KCNIP4: variants seen among roughly 807,000 people sequenced by gnomAD.
KCNIP4 encodes Kv channel-interacting protein 4.
KCNIP4 carries 12 observed loss-of-function variants against 34.0 expected under a neutral mutation model. The ratio of observed to expected loss-of-function variants is 0.35; its 90% CI spans 0.23 to 0.57. KCNIP4 has a LOEUF of 0.57. Ranked by LOEUF, KCNIP4 falls within the 20% of genes least tolerant of loss-of-function variation. The pLI is 0.83. For missense variants in KCNIP4, 238 were observed against 311.7 expected (o/e 0.76, Z 1.78); for synonymous variants, 124 against 102.2 (o/e 1.21, Z -1.29).
intron 1 of KCNIP4, among the ~76,000 whole-genome samples, chr4:21,195,770 CG>C (rs1164042553): frequency 1.3e-5 from 2 of 152,170 alleles, no homozygotes; most frequent in Non-Finnish European, 2.9e-5. Flanking sequence ...CCAACTAGAA[CG>C]CCTGGTTGCA....
rs567004023 is a variant in KCNIP4, at chr4:21,278,417, C to T, written c.62-395708G>A. Among the ~76,000 whole-genome samples the T allele has an allele frequency of 6.3e-4, 96 of 152,224 alleles. No individual in the cohort carries two copies. The South Asian group carries it at 0.019, about 31-fold the overall frequency. ...CCTCTCTGTGTCCATGAGTTCTCAT[C>T]ACTTAGCATCTATTTATAAGTGAGA... On this transcript the variant is annotated intron_variant, in intron 1 of 8. Coordinates refer to ENST00000382152, the MANE Select transcript of KCNIP4 (RefSeq NM_025221.6).
intron 1 of KCNIP4, among the ~76,000 whole-genome samples, chr4:21,489,677 T>C (rs1175805756): frequency 6.6e-6 from 1 of 152,118 alleles, no homozygotes; most frequent in Non-Finnish European, 1.5e-5. Flanking sequence ...TGCAGACAGT[T>C]CCATCTTTGG....
chr4:20,997,109 G>A (rs534326762), intron 1 of KCNIP4, among the ~76,000 whole-genome samples: 1 of 152,302 alleles, frequency 6.6e-6, no homozygotes, highest in South Asian at 2.1e-4. Context: ...CTATAAGAGA[G>A]TGGAATGAGG....
At chr4:21,511,956 A>G (rs1734347414) in intron 1 of KCNIP4, among the ~76,000 whole-genome samples, 2 of 150,810 alleles carry the variant, frequency 1.3e-5, no homozygotes, top group Admixed American at 1.3e-4. Context: ...AGTCGATACA[A>G]TTTTAATAGA....
intron 1 of KCNIP4, among the ~76,000 whole-genome samples, chr4:21,341,432 T>A (rs889217389): frequency 2.6e-5 from 4 of 152,182 alleles, no homozygotes; most frequent in African/African-American, 9.7e-5. Flanking sequence ...GGCAAGTAAT[T>A]GTGCAAACAT....
intron 3 of KCNIP4, among the ~76,000 whole-genome samples, chr4:20,801,317 A>G (rs1304485551): frequency 6.6e-6 from 1 of 151,946 alleles, no homozygotes; most frequent in East Asian, 1.9e-4. Context: ...GAAAAAAGGC[A>G]TTATAATTAC....
At chr4:21,859,753 G>A (rs1393547748) in intron 1 of KCNIP4, among the ~76,000 whole-genome samples, 1 of 152,226 alleles carries the variant, frequency 6.6e-6, no homozygotes, top group Non-Finnish European at 1.5e-5. Flanking sequence ...ATTCAGAAGG[G>A]AGTGGCGGCT....
chr4:21,821,358 T>C (rs149729870), intron 1 of KCNIP4, among the ~76,000 whole-genome samples: 3 of 152,266 alleles, frequency 2.0e-5, no homozygotes, highest in Non-Finnish European at 4.4e-5. Flanking sequence ...ATGAAATATA[T>C]TTTTAAGGTC....
At chr4:20,739,983 A>G (rs940430415) in intron 5 of KCNIP4, among the ~76,000 whole-genome samples, 40 of 152,180 alleles carry the variant, frequency 2.6e-4, no homozygotes, top group African/African-American at 9.7e-4. Context: ...CAAGTGGAAG[A>G]AAGGGTATCA....
intron 1 of KCNIP4, among the ~76,000 whole-genome samples, chr4:21,032,976 C>A (rs988547265): frequency 3.3e-5 from 5 of 152,050 alleles, no homozygotes; most frequent in African/African-American, 1.2e-4. Context: ...TCTATACTCT[C>A]CCTTTTCTCC....
At chr4:21,054,707 C>CAAAAA (rs34366909) in intron 1 of KCNIP4, among the ~76,000 whole-genome samples, 12 of 86,196 alleles carry the variant, frequency 1.4e-4, no homozygotes, top group Middle Eastern at 0.01. Flanking sequence ...TACTCACATG[C>CAAAAA]AAAAAAAAAA....
At chr4:20,981,304 C>G (rs1040656429) in intron 1 of KCNIP4, among the ~76,000 whole-genome samples, 4 of 152,164 alleles carry the variant, frequency 2.6e-5, no homozygotes, top group African/African-American at 7.2e-5. Context: ...TCATTTATAT[C>G]CCATGCTTGG....
chr4:21,743,277 C>T (rs552143689), intron 1 of KCNIP4, among the ~76,000 whole-genome samples: 20 of 152,254 alleles, frequency 1.3e-4, no homozygotes, highest in Non-Finnish European at 2.8e-4. Context: ...AATCTGACTT[C>T]TTGCTTTTCC....
At chr4:21,610,685 T>C (rs1389888939) in intron 1 of KCNIP4, among the ~76,000 whole-genome samples, 1 of 152,108 alleles carries the variant, frequency 6.6e-6, no homozygotes, top group Non-Finnish European at 1.5e-5. Context: ...TATTCATACA[T>C]TTTCATACTG....
chr4:20,776,654 G>A lies in KCNIP4; in HGVS notation c.289-17764C>T, dbSNP rs566355097. Among the ~76,000 whole-genome samples, 68 of 152,134 alleles carry A rather than the reference G, an allele frequency of 4.5e-4. 1 individual carries two copies. The highest frequency in any genetic ancestry group is 1.5e-3 in the African/African-American group (64 of 41,512). On this transcript the variant is annotated intron_variant, in intron 3 of 8. Transcript: ENST00000382152. The stretch of plus-strand genomic sequence containing the variant: ...TAAGAATGATTTCCCTAATTCTACC[G>A]TTAGGAAATTATTTAATTCTACCAT...
At chr4:21,900,299 G>GA (rs1312049406) in intron 1 of KCNIP4, among the ~76,000 whole-genome samples, 1 of 152,130 alleles carries the variant, frequency 6.6e-6, no homozygotes, top group Non-Finnish European at 1.5e-5. Context: ...CAATTTAACA[G>GA]AAAAAACAAT....
At chr4:21,230,590 C>T (rs1193267369) in intron 1 of KCNIP4, among the ~76,000 whole-genome samples, 1 of 152,096 alleles carries the variant, frequency 6.6e-6, no homozygotes, top group African/African-American at 2.4e-5. Flanking sequence ...TGTTCAGCTC[C>T]CACTTATAAG....
At chr4:21,278,672 C>G (rs1032377228) in intron 1 of KCNIP4, among the ~76,000 whole-genome samples, 5 of 152,098 alleles carry the variant, frequency 3.3e-5, no homozygotes, top group Admixed American at 3.3e-4. Flanking sequence ...AAAGAGAGTT[C>G]TAAGTGAGCC....
intron 1 of KCNIP4, among the ~76,000 whole-genome samples, chr4:21,673,160 C>T (rs1191937285): frequency 6.6e-6 from 1 of 152,164 alleles, no homozygotes; most frequent in African/African-American, 2.4e-5. Flanking sequence ...TACTTGTAAG[C>T]AACTAGCATT....
Sources: gnomAD v4.1 joint callset for allele counts (sites outside exome capture counted in the v4.1 genomes callset) on GRCh38, gnomAD v4.1.1 for gene constraint, MANE v1.5 for transcripts, NCBI Gene and HGNC (gene_info 2026-07-23, HGNC 2026-07-21) for gene names.